Variants in STOML1 observed in about 807,000 individuals in gnomAD.
STOML1 encodes stomatin-like protein 1.
A neutral mutation model predicts 35.7 loss-of-function variants in STOML1; 27 were observed. The observed-to-expected ratio is 0.76, with a 90% CI of 0.56 to 1.04. STOML1 has a LOEUF of 1.04. Among genes scored for constraint, STOML1 ranks in the 50% least tolerant of loss-of-function variants. The pLI is 0.00. For synonymous variants in STOML1, 219 were observed against 227.9 expected (o/e 0.96, Z 0.35); for missense variants, 451 against 527.1 (o/e 0.86, Z 1.41).
Position 73,983,842 on chromosome 15 carries a change from C to T in STOML1, c.*95G>A, listed in dbSNP as rs894965274. 28 of 1,416,216 alleles carry T rather than the reference C, an allele frequency of 2.0e-5. No individual in the cohort carries two copies. In the East Asian group the frequency reaches 6.7e-4, roughly 34 times the overall value. 87.7% of individuals were successfully genotyped at this position (1,416,216 alleles called of 1,614,324 possible). A position where few individuals can be genotyped will look rare whatever the true frequency, so the allele number is the denominator to read the frequency against. ...GGCCTGAAATTTGTTAGGGCCTCAA[C>T]TCTCTGTGGTGCAGATGAACACCTC... On this transcript the variant is annotated 3_prime_UTR_variant, in exon 7 of 7. Coordinates refer to ENST00000541638, the MANE Select transcript of STOML1 (RefSeq NM_004809.5).
chr15:73,994,064 C>A (rs950385710), upstream of STOML1, among the ~76,000 whole-genome samples: 1 of 152,212 alleles, frequency 6.6e-6, no homozygotes, highest in African/African-American at 2.4e-5. Flanking sequence ...TCCCATCATG[C>A]ACAGCTGATC....
intron 1 of STOML1, 105 bp downstream of exon 1, chr15:73,991,986 A>G: frequency 7.0e-7 from 1 of 1,427,720 alleles, no homozygotes. Context: ...CCCCCCTCGT[A>G]GGGTGCGACG....
intron 6 of STOML1, 128 bp from the exon 7 acceptor site, chr15:73,984,258 C>T (rs1280981901): frequency 9.9e-7 from 1 of 1,014,452 alleles, no homozygotes; most frequent in South Asian, 1.7e-5. Flanking sequence ...GGTTCTAATA[C>T]CCTGGGTTTG....
chr15:73,991,069 G>A (rs2069259448), intron 1 of STOML1: 2 of 1,297,724 alleles, frequency 1.5e-6, no homozygotes, highest in East Asian at 6.0e-5. Flanking sequence ...TATTTCACGA[G>A]ATGGCGCCAC....
rs1238361415 is a variant in STOML1, at chr15:73,980,859, T to TG, written c.*3077dup. ...GAGTTCAAGACCAGCCTGAGCAACA[T>TG]GGGGAGACATCCTTATCTCTACAAA... On this transcript the variant is annotated 3_prime_UTR_variant, in exon 7 of 7. Transcript: ENST00000541638. 1 of 151,642 alleles carries TG rather than the reference T, an allele frequency of 6.6e-6. No individual in the cohort carries two copies. The highest frequency in any genetic ancestry group is 1.5e-5 in the Non-Finnish European group (1 of 67,942). The allele number at this position is 151,642 out of a possible 1,614,324, so 9.4% of individuals were successfully genotyped here.
chr15:73,985,084 G>C (rs988264631), intron 5 of STOML1, among the ~76,000 whole-genome samples: 1 of 152,218 alleles, frequency 6.6e-6, no homozygotes, highest in African/African-American at 2.4e-5. Context: ...TCCAGCCTCA[G>C]ATATAAAATT....
chr15:73,993,333 C>T (rs944345067), upstream of STOML1, among the ~76,000 whole-genome samples: 7 of 152,224 alleles, frequency 4.6e-5, no homozygotes, highest in African/African-American at 1.4e-4. Context: ...TTGGGGTAGT[C>T]TGGGAGCAGG....
At chr15:73,991,584 G>A (rs1353588704) in intron 1 of STOML1, 1 of 456,920 alleles carries the variant, frequency 2.2e-6, no homozygotes, top group African/African-American at 2.0e-5. Flanking sequence ...AAGACTTTGA[G>A]GGCAAGACAG....
In STOML1 at chr15:73,988,867, C is replaced by G; in HGVS notation, c.391-65G>C. ...TGGGGGTGCAGGGAGGTCAGGCCCA[C>G]TGGGGCCACCCAGCTTGAACCACCT... On this transcript the variant is annotated intron_variant, in intron 3 of 6. Coordinates refer to ENST00000541638, the MANE Select transcript of STOML1 (RefSeq NM_004809.5). This position sits in a 1 kb window ranked among gnomAD's most constrained non-coding sequence, Gnocchi z 4.8. 1.3e-6 allele frequency: 2 copies of G among 1,563,986 alleles called. No homozygotes were observed. The highest frequency in any genetic ancestry group is 1.7e-6 in the Non-Finnish European group (2 of 1,150,440).
rs1234813895 is a variant in STOML1, at chr15:73,985,944, C to T, written c.595-431G>A. The T allele has an allele frequency of 3.5e-5, 6 of 172,624 alleles. No individual in the cohort carries two copies. The East Asian group carries it at 1.1e-3, about 32-fold the overall frequency. 10.7% of individuals were successfully genotyped at this position (172,624 alleles called of 1,614,324 possible). A position where few individuals can be genotyped will look rare whatever the true frequency, so the allele number is the denominator to read the frequency against. On this transcript the variant is annotated intron_variant, in intron 4 of 6. Coordinates refer to ENST00000541638, the MANE Select transcript of STOML1 (RefSeq NM_004809.5). Reference sequence around the variant, plus strand: ...CTGCTTACTTTGATTTATTCTGAGGCAACAAAGAGCCCCAGGGAGGAGTTT... The same window carrying T: ...CTGCTTACTTTGATTTATTCTGAGGTAACAAAGAGCCCCAGGGAGGAGTTT...
chr15:73,989,021 G>T, intron 3 of STOML1, 87 bp downstream of exon 3: 1 of 1,510,672 alleles, frequency 6.6e-7, no homozygotes, highest in Non-Finnish European at 8.9e-7. Context: ...CCCTCAGATG[G>T]TGACTCACAG....
Position 73,988,713 on chromosome 15 carries a change from T to G in STOML1, c.480A>C (p.Lys160Asn). 6.2e-7 allele frequency: 1 copy of G among 1,614,172 alleles called. No individual in the cohort carries two copies. Among genetic ancestry groups the G allele is most frequent in the Non-Finnish European group, 8.5e-7 (1 of 1,180,032 alleles). Reference protein sequence around the residue: ...WDPVLSVMTVKDLNTATRMTA... With the variant: ...WDPVLSVMTVNDLNTATRMTA... ...TCATGCGTGTGGCTGTGTTCAGGTCTTTCACAGTCATCACCGACAGCACCG... is the reference window on the plus strand; with the variant it reads ...TCATGCGTGTGGCTGTGTTCAGGTCGTTCACAGTCATCACCGACAGCACCG... The change falls in exon 4 of 7, where the codon AAA becomes AAC. Residue 160 changes from lysine to asparagine, a missense_variant. Physicochemically the swap from Lys to Asn is moderately conservative, Grantham distance 94. Coordinates refer to ENST00000541638, the MANE Select transcript of STOML1 (RefSeq NM_004809.5). This position sits in a 1 kb window ranked among gnomAD's most constrained non-coding sequence, Gnocchi z 4.8.
At position 73,988,039 on chromosome 15, in the gene STOML1, G is replaced by T. The variant is rs1282741744; in HGVS notation, c.594+560C>A. The T allele has an allele frequency of 6.5e-6, 1 of 152,864 alleles. No individual in the cohort carries two copies. Among genetic ancestry groups the T allele is most frequent in the East Asian group, 1.9e-4 (1 of 5,206 alleles). 9.5% of individuals were successfully genotyped at this position (152,864 alleles called of 1,614,324 possible). A position where few individuals can be genotyped will look rare whatever the true frequency, so the allele number is the denominator to read the frequency against. On this transcript the variant is annotated intron_variant, in intron 4 of 6. Transcript: ENST00000541638. This position sits in a 1 kb window ranked among gnomAD's most constrained non-coding sequence, Gnocchi z 4.8. Reference sequence around the variant, plus strand: ...CTGCAGGGGACACAACTCTGCATGTGTATTTATTTCTACCCCATCTTGTAG... The same window carrying T: ...CTGCAGGGGACACAACTCTGCATGTTTATTTATTTCTACCCCATCTTGTAG...
Position 73,992,080 on chromosome 15 carries a change from C to A in STOML1, c.133+11G>T, listed in dbSNP as rs748998117. 6 of 1,570,636 alleles carry A rather than the reference C, an allele frequency of 3.8e-6. No individual in the cohort carries two copies. The highest frequency in any genetic ancestry group is 3.9e-5 in the Admixed American group (2 of 51,738). On this transcript the variant is annotated intron_variant, in intron 1 of 6. Coordinates refer to ENST00000541638, the MANE Select transcript of STOML1 (RefSeq NM_004809.5). ...TCCCCCCCGGCTCCGCCGTGCCAGG[C>A]GGCCACTCACCGGCCCCTGTCCCCA...
chr15:73,988,652 T>A lies in STOML1; in HGVS notation c.541A>T (p.Arg181Trp). 1 of 1,614,214 alleles carries A rather than the reference T, an allele frequency of 6.2e-7. No homozygotes were observed. Among genetic ancestry groups the A allele is most frequent in the Non-Finnish European group, 8.5e-7 (1 of 1,180,044 alleles). The change falls in exon 4 of 7, where the codon AGG becomes TGG. Residue 181 changes from arginine to tryptophan, a missense_variant. By Grantham distance (101) the Arg-to-Trp change is moderately radical. Coordinates refer to ENST00000541638, the MANE Select transcript of STOML1 (RefSeq NM_004809.5). This position sits in a 1 kb window ranked among gnomAD's most constrained non-coding sequence, Gnocchi z 4.8. ...QNAMTKALLKRPLREIQMEKL... is the reference protein window; with the variant it reads ...QNAMTKALLKWPLREIQMEKL... ...TCCATCTGGATCTCCCGCAGCGGCC[T>A]CTTGAGCAGGGCCTTGGTCATGGCG...
Position 73,989,057 on chromosome 15 carries a change from T to C in STOML1, c.390+51A>G, listed in dbSNP as rs777035950. 9 of 1,540,320 alleles carry C rather than the reference T, an allele frequency of 5.8e-6. No homozygotes were observed. In the South Asian group the frequency reaches 1.1e-4, roughly 19 times the overall value. The stretch of plus-strand genomic sequence containing the variant: ...GCTGAGGTCCTGGCACCACAGTACA[T>C]TCTGGACAGGCCCCCAGTTCCTCTG... On this transcript the variant is annotated intron_variant, in intron 3 of 6. Coordinates refer to ENST00000541638, the MANE Select transcript of STOML1 (RefSeq NM_004809.5).
chr15:73,992,783 G>A (rs938423353), upstream of STOML1, among the ~76,000 whole-genome samples: 2 of 152,124 alleles, frequency 1.3e-5, no homozygotes, highest in African/African-American at 4.8e-5. Flanking sequence ...CACTGCAGTC[G>A]GAGCGAGAGA....
chr15:73,988,622 G>C lies in STOML1; in HGVS notation c.571C>G (p.Leu191Val). Residue 191 changes from leucine to valine, a missense_variant, in exon 4 of 7, where the codon CTC (leucine) becomes GTC (valine). Leu to Val is a conservative substitution (Grantham distance 32). Transcript: ENST00000541638. The surrounding 1 kb of genome is among the most constrained non-coding windows in gnomAD (Gnocchi z 4.8). ...ACCAGAAGCTGGTCGCTGATCTTGAGCTTCTCCATCTGGATCTCCCGCAGC... is the reference window on the plus strand; with the variant it reads ...ACCAGAAGCTGGTCGCTGATCTTGACCTTCTCCATCTGGATCTCCCGCAGC... ...RPLREIQMEK[L>V]KISDQLLLEI... The C allele has an allele frequency of 6.2e-7, 1 of 1,614,236 alleles. No individual in the cohort carries two copies.
At position 73,988,255 on chromosome 15, in the gene STOML1, C is replaced by A; in HGVS notation, c.594+344G>T. 1 of 253,880 alleles carries A rather than the reference C, an allele frequency of 3.9e-6. No homozygotes were observed. Among genetic ancestry groups the A allele is most frequent in the Non-Finnish European group, 7.8e-6 (1 of 128,812 alleles). 15.7% of individuals were successfully genotyped at this position (253,880 alleles called of 1,614,324 possible). A position where few individuals can be genotyped will look rare whatever the true frequency, so the allele number is the denominator to read the frequency against. ...GGAGGGTCCCTGCTCCATCACCCATCTGCCTGCCCCATGAGTCAGGCCCGG... is the reference window on the plus strand; with the variant it reads ...GGAGGGTCCCTGCTCCATCACCCATATGCCTGCCCCATGAGTCAGGCCCGG... On this transcript the variant is annotated intron_variant, in intron 4 of 6. Coordinates refer to ENST00000541638, the MANE Select transcript of STOML1 (RefSeq NM_004809.5). The surrounding 1 kb of genome is among the most constrained non-coding windows in gnomAD (Gnocchi z 4.8).
Sources: allele counts gnomAD v4.1 joint callset (sites outside exome capture counted in the v4.1 genomes callset), GRCh38; gene constraint gnomAD v4.1.1; non-coding constraint Gnocchi (gnomAD v3.1); transcripts MANE v1.5; gene names NCBI Gene and HGNC (gene_info 2026-07-23, HGNC 2026-07-21).